The following ZNF573 variants were observed in gnomAD, a reference collection of about 807,000 sequenced individuals.
The protein encoded by ZNF573 is zinc finger protein 573.
ZNF573 carries 41 observed loss-of-function variants against 57.4 expected under a neutral mutation model. The ratio of observed to expected loss-of-function variants is 0.71; its 90% CI spans 0.56 to 0.93. The LOEUF is 0.93. Among genes scored for constraint, ZNF573 ranks in the 40% least tolerant of loss-of-function variants. The pLI is 0.00. For missense variants in ZNF573, 730 were observed against 794.8 expected (o/e 0.92, Z 0.98); for synonymous variants, 249 against 261.0 (o/e 0.95, Z 0.44).
rs143695781 is a variant in ZNF573 at position 37,738,986 on chromosome 19, C to G, written c.1504G>C (p.Glu502Gln). Residue 502 changes from glutamate (E) to glutamine (Q), a missense_variant, in exon 5 of 5, where the codon GAA becomes CAA. Transcript: ENST00000536220. ...TGCAAGCTAAAGGTCTTGCCACATT[C>G]CTTACATTTATAGGGTTTCTCACCA... ...HTGEKPYKCK[E>Q]CGKTFSLHGY... is the part of the protein sequence containing the mutation. The G allele has an allele frequency of 6.2e-7, 1 of 1,613,462 alleles. No homozygotes were observed. Among genetic ancestry groups the G allele is most frequent in the Non-Finnish European group, 8.5e-7 (1 of 1,179,900 alleles).
chr19:37,765,792 A>C (rs1377500666), intron 4 of ZNF573, among the ~76,000 whole-genome samples: 2 of 152,134 alleles, frequency 1.3e-5, no homozygotes, highest in Non-Finnish European at 2.9e-5. Flanking sequence ...TAATCCTAAC[A>C]TTTTGGGAAG....
rs1452906007 is a variant in ZNF573, at chr19:37,751,780, GTA to G, written c.296-11588_296-11587del. Among the ~76,000 whole-genome samples the G allele has an allele frequency of 1.8e-4, 16 of 88,106 alleles. No homozygotes were observed. In the East Asian group the frequency reaches 2.5e-3, roughly 14 times the overall value. The allele number at this position is 88,106 out of a possible 152,430, so 57.8% of individuals were successfully genotyped here. ...TATACTGTATATAGTACATAGTACC[GTA>G]TATATACTGTATATAGTACATAGTA... On this transcript the variant is annotated intron_variant, in intron 4 of 4. Transcript: ENST00000536220.
chr19:37,749,821 A>C (rs1471107486), intron 4 of ZNF573, among the ~76,000 whole-genome samples: 1 of 152,230 alleles, frequency 6.6e-6, no homozygotes, highest in Non-Finnish European at 1.5e-5. Flanking sequence ...GTAAGATGGC[A>C]TTAGGATAAA....
rs150921074 is a variant in ZNF573, at chr19:37,757,191, GTTA to G, written c.295+12811_295+12813del. Among the ~76,000 whole-genome samples the G allele has an allele frequency of 6.4e-3, 972 of 151,300 alleles. 31 individuals carry two copies. Among genetic ancestry groups the G allele is most frequent in the East Asian group, 0.052 (268 of 5,128 alleles). Reference sequence around the variant, plus strand: ...TACCCACACTAAAATTATTATTGTTGTTATTATTATTATTATTATTTTTGAGAC... The same window carrying G: ...TACCCACACTAAAATTATTATTGTTGTTATTATTATTATTATTTTTGAGAC... On this transcript the variant is annotated intron_variant, in intron 4 of 4. Transcript: ENST00000536220.
At chr19:37,761,014 A>G (rs948590862) in intron 4 of ZNF573, among the ~76,000 whole-genome samples, 6 of 152,044 alleles carry the variant, frequency 3.9e-5, no homozygotes, top group African/African-American at 1.4e-4. Context: ...CCTGGTCAAC[A>G]TGGTGAAAAC....
In ZNF573 at chr19:37,764,944, C is replaced by T. The variant is rs184366045; in HGVS notation, c.295+5061G>A. Among the ~76,000 whole-genome samples the T allele has an allele frequency of 8.2e-3, 1,094 of 132,866 alleles. 3 individuals are homozygous for T. The highest frequency in any genetic ancestry group is 0.015 in the South Asian group (59 of 3,860). 87.2% of individuals were successfully genotyped at this position (132,866 alleles called of 152,430 possible). A position where few individuals can be genotyped will look rare whatever the true frequency, so the allele number is the denominator to read the frequency against. On this transcript the variant is annotated intron_variant, in intron 4 of 4. Transcript: ENST00000536220. ...TTTTGAGACGGAGTTTCACTCTTGT[C>T]GCCTAGGCTGGAGTGCAGTGGCATG...
chr19:37,740,731 C>T (rs914024012), intron 4 of ZNF573: 4 of 381,328 alleles, frequency 1.0e-5, no homozygotes, highest in South Asian at 4.0e-5. Flanking sequence ...GTACAATTGC[C>T]CCTTGGTATC....
chr19:37,763,832 G>A (rs886969795), intron 4 of ZNF573, among the ~76,000 whole-genome samples: 3 of 152,148 alleles, frequency 2.0e-5, no homozygotes, highest in Admixed American at 2.0e-4. Flanking sequence ...GGGAGGCCAA[G>A]GTGGGCAGGT....
rs1418684296 is a variant in ZNF573 at position 37,739,727 on chromosome 19, AG to A, written c.762del (p.Phe255LeufsTer185). 6.2e-7 allele frequency: 1 copy of A among 1,613,700 alleles called. No individual in the cohort carries two copies. The highest frequency in any genetic ancestry group is 8.5e-7 in the Non-Finnish European group (1 of 1,179,836). ...ATTCTAAGATGTCCACCTTGACTAA[AG>A]GCCCTCCCACACTCCTGACATTCAT... Reference protein sequence around the residue: ...KPYECQECGRAFSQGGHLRIH... With the variant: ...KPYECQECGRXFSQGGHLRIH... On this transcript the variant is annotated frameshift_variant, in exon 5 of 5. Transcript: ENST00000536220. LOFTEE classifies it high-confidence loss of function.
intron 1 of ZNF573, among the ~76,000 whole-genome samples, chr19:37,774,209 C>T (rs566659556): frequency 1.0e-4 from 14 of 140,610 alleles, no homozygotes; most frequent in Non-Finnish European, 2.0e-4. Context: ...GAGATCTTGG[C>T]TCGCTGCAAC....
intron 4 of ZNF573, among the ~76,000 whole-genome samples, chr19:37,763,238 GAAC>G (rs1312251869): frequency 7.6e-6 from 1 of 131,284 alleles, no homozygotes; most frequent in African/African-American, 2.7e-5. Flanking sequence ...AAATACCCAA[GAAC>G]AACTATAGTT....
chr19:37,762,896 T>C lies in ZNF573; in HGVS notation c.295+7109A>G, dbSNP rs562314220. The stretch of plus-strand genomic sequence containing the variant: ...AAGTGATTCTCCTGCCTCAGCCTCC[T>C]GAGTAGCTGGGATTACAGGCATGCA... On this transcript the variant is annotated intron_variant, in intron 4 of 4. Transcript: ENST00000536220. 2.1e-4 allele frequency among the ~76,000 whole-genome samples: 32 copies of C among 151,808 alleles called. No individual in the cohort carries two copies. In the South Asian group the frequency reaches 6.3e-3, roughly 30 times the overall value.
At chr19:37,764,332 T>C (rs2145317303) in intron 4 of ZNF573, among the ~76,000 whole-genome samples, 1 of 151,452 alleles carries the variant, frequency 6.6e-6, no homozygotes, top group Admixed American at 6.6e-5. Flanking sequence ...TTGTTGTTTT[T>C]TTTTCTTAAG....
At chr19:37,763,875 C>G (rs558612295) in intron 4 of ZNF573, among the ~76,000 whole-genome samples, 136 of 152,014 alleles carry the variant, frequency 8.9e-4, no homozygotes, top group African/African-American at 3.1e-3. Context: ...ACAAGCCTGA[C>G]CAACATGGAG....
chr19:37,743,319 C>CAAA (rs74174484), intron 4 of ZNF573, among the ~76,000 whole-genome samples: 81 of 99,784 alleles, frequency 8.1e-4, no homozygotes, highest in African/African-American at 1.9e-3. Flanking sequence ...GAATCCATCT[C>CAAA]AAAAAAAAAA....
chr19:37,769,886 C>T, intron 4 of ZNF573, 119 bp downstream of exon 4: 2 of 783,588 alleles, frequency 2.6e-6, no homozygotes, highest in Non-Finnish European at 4.4e-6. Flanking sequence ...AGGTTGTAGG[C>T]CTTTGCTCCA....
At chr19:37,752,386 G>T (rs921575227) in intron 4 of ZNF573, among the ~76,000 whole-genome samples, 2 of 151,994 alleles carry the variant, frequency 1.3e-5, no homozygotes, top group East Asian at 1.9e-4. Flanking sequence ...AGCAACAAAA[G>T]AAATAATAGG....
chr19:37,759,738 T>A (rs2045533289), intron 4 of ZNF573, among the ~76,000 whole-genome samples: 2 of 151,792 alleles, frequency 1.3e-5, no homozygotes, highest in African/African-American at 2.4e-5. Flanking sequence ...AAAAAATAAA[T>A]AAATAAATAA....
At position 37,738,583 on chromosome 19, in the gene ZNF573, T is replaced by G. The variant is rs1482801255; in HGVS notation, c.1907A>C (p.Lys636Thr). 1.9e-6 allele frequency: 3 copies of G among 1,608,578 alleles called. No homozygotes were observed. The highest frequency in any genetic ancestry group is 2.5e-6 in the Non-Finnish European group (3 of 1,177,642). Residue 636 changes from lysine (K) to threonine (T), a missense_variant, in exon 5 of 5, where the codon AAA (lysine) becomes ACA (threonine). Physicochemically the swap from Lys to Thr is moderately conservative, Grantham distance 78. Coordinates refer to ENST00000536220, the MANE Select transcript of ZNF573 (RefSeq NM_001172690.2). ...VQHERIHTGE[K>T]PYVCKQCGKT... ...CCCACACTGCTTACACACATAGGGT[T>G]TCTCACCAGTATGAATTCTCTCATG...
Sources: allele counts gnomAD v4.1 joint callset (sites outside exome capture counted in the v4.1 genomes callset), GRCh38; gene constraint gnomAD v4.1.1; transcripts MANE v1.5; gene names NCBI Gene and HGNC (gene_info 2026-07-23, HGNC 2026-07-21).